LYPD6: variants seen among roughly 807,000 people sequenced by gnomAD.
The protein encoded by LYPD6 is LY6/PLAUR domain containing 6, also known as ly6/PLAUR domain-containing protein 6.
LYPD6 carries 15 observed loss-of-function variants against 22.7 expected under a neutral mutation model. That is an observed-to-expected ratio of 0.66 (90% CI 0.44 to 1.02). The LOEUF is 1.02. Among genes scored for constraint, LYPD6 ranks in the 50% least tolerant of loss-of-function variants. The probability of loss-of-function intolerance (pLI) is 0.00; values close to 1 mark genes in which losing one functional copy is unlikely to be tolerated. For synonymous variants in LYPD6, 72 were observed against 77.5 expected, an observed-to-expected ratio of 0.93 and a Z score of 0.37; for missense variants, 189 against 208.4, an observed-to-expected ratio of 0.91 and a Z score of 0.57.
At chr2:149,418,151 A>G (rs1683004107) in intron 1 of LYPD6, among the ~76,000 whole-genome samples, 2 of 152,344 alleles carry the variant, frequency 1.3e-5, no homozygotes, top group South Asian at 4.1e-4. Context: ...TCACAGCAGG[A>G]AGGCATCAAG....
chr2:149,414,521 G>A (rs754424025), intron 1 of LYPD6, among the ~76,000 whole-genome samples: 8 of 151,962 alleles, frequency 5.3e-5, no homozygotes, highest in Non-Finnish European at 1.2e-4. Context: ...TATTAAAATC[G>A]CCTCAAATAA....
chr2:149,419,408 AT>A (rs2105130810), intron 1 of LYPD6, among the ~76,000 whole-genome samples: 1 of 152,352 alleles, frequency 6.6e-6, no homozygotes, highest in East Asian at 1.9e-4. Context: ...TTCATTTATC[AT>A]TAATTAAGAA....
At chr2:149,474,409 T>C (rs924940394), downstream of LYPD6, among the ~76,000 whole-genome samples, 1 of 152,140 alleles carries the variant, frequency 6.6e-6, no homozygotes, top group African/African-American at 2.4e-5. Flanking sequence ...GATCCAACTA[T>C]GTTGCCCAGC....
the LYPD6 span, among the ~76,000 whole-genome samples, chr2:149,481,083 C>T: frequency 1.3e-5 from 2 of 152,302 alleles, no homozygotes; most frequent in East Asian, 1.9e-4. Flanking sequence ...TCAGAGCCTC[C>T]TTCTCAAGAG....
chr2:149,370,519 G>A (rs1681784335), intron 1 of LYPD6: 1 of 152,162 alleles, frequency 6.6e-6, no homozygotes, highest in Non-Finnish European at 1.5e-5. Flanking sequence ...TACCTTGTGA[G>A]GGTGAGCAAC....
Position 149,452,151 on chromosome 2 carries a change from A to G in LYPD6, c.217+3004A>G, listed in dbSNP as rs73964433. Reference sequence around the variant, plus strand: ...AAGACTCCCCAGGTGTGCTCAGTGGATGGGGAGAGAGCTGACCTGGGAGTA... The same window carrying G: ...AAGACTCCCCAGGTGTGCTCAGTGGGTGGGGAGAGAGCTGACCTGGGAGTA... On this transcript the variant is annotated intron_variant, in intron 3 of 4. Transcript: ENST00000334166. 5.8e-3 allele frequency among the ~76,000 whole-genome samples: 883 copies of G among 152,312 alleles called. 7 individuals are homozygous for G. Among genetic ancestry groups the G allele is most frequent in the African/African-American group, 0.02 (829 of 41,568 alleles).
intron 1 of LYPD6, among the ~76,000 whole-genome samples, chr2:149,366,521 A>G (rs2105073020): frequency 1.3e-5 from 2 of 152,294 alleles, no homozygotes; most frequent in South Asian, 4.1e-4. Flanking sequence ...AGAATGCCAG[A>G]TATTATAAAC....
At position 149,473,855 on chromosome 2, in the gene LYPD6, G is replaced by C. The variant is rs1056401684; in HGVS notation, c.*3005G>C. ...AAAATAAAAGAAGGAAAGGCTACCA[G>C]ACTTTTCAATAAGGTCTACAGCTTC... On this transcript the variant is annotated 3_prime_UTR_variant, in exon 5 of 5. Transcript: ENST00000334166. 4.6e-5 allele frequency: 7 copies of C among 152,194 alleles called. No individual in the cohort carries two copies. Among genetic ancestry groups the C allele is most frequent in the South Asian group, 2.1e-4 (1 of 4,826 alleles). The allele number at this position is 152,194 out of a possible 1,614,324, so 9.4% of individuals were successfully genotyped here.
chr2:149,457,877 G>A (rs1271714541), intron 3 of LYPD6, among the ~76,000 whole-genome samples: 1 of 152,198 alleles, frequency 6.6e-6, no homozygotes, highest in Non-Finnish European at 1.5e-5. Flanking sequence ...ACAACACAGT[G>A]CTGAGTTCAC....
intron 1 of LYPD6, among the ~76,000 whole-genome samples, chr2:149,334,618 G>T (rs981788413): frequency 6.6e-6 from 1 of 152,130 alleles, no homozygotes; most frequent in African/African-American, 2.4e-5. Context: ...TATTGCTGGG[G>T]GATTGACTGG....
At chr2:149,398,224 G>A (rs1160889204) in intron 1 of LYPD6, among the ~76,000 whole-genome samples, 3 of 151,956 alleles carry the variant, frequency 2.0e-5, no homozygotes, top group Admixed American at 6.6e-5. Context: ...AAAAAAGCAG[G>A]GATTTTTTTC....
Position 149,472,108 on chromosome 2 carries a change from A to G in LYPD6, c.*1258A>G, listed in dbSNP as rs987353162. On this transcript the variant is annotated 3_prime_UTR_variant, in exon 5 of 5. Transcript: ENST00000334166. ...CTTCCTTGTAAATAATTTAAACAGT[A>G]TTTATTTTTGTAAGGCATAACTAGA... The G allele has an allele frequency of 3.3e-5, 5 of 152,220 alleles. No homozygotes were observed. Among genetic ancestry groups the G allele is most frequent in the Non-Finnish European group, 5.9e-5 (4 of 68,024 alleles). The allele number at this position is 152,220 out of a possible 1,614,324, so 9.4% of individuals were successfully genotyped here.
intron 1 of LYPD6, among the ~76,000 whole-genome samples, chr2:149,423,817 G>A (rs771799677): frequency 5.9e-5 from 9 of 152,034 alleles, no homozygotes; most frequent in Non-Finnish European, 1.2e-4. Context: ...GGAAAATGCT[G>A]ACTTAAGCAA....
chr2:149,356,476 T>C (rs1009825183), intron 1 of LYPD6, among the ~76,000 whole-genome samples: 1 of 152,210 alleles, frequency 6.6e-6, no homozygotes, highest in African/African-American at 2.4e-5. Context: ...CAAGTATGGC[T>C]ACTGGCCTCT....
intron 1 of LYPD6, among the ~76,000 whole-genome samples, chr2:149,336,265 C>T (rs189195621): frequency 1.6e-4 from 24 of 152,060 alleles, no homozygotes; most frequent in South Asian, 4.2e-4. Context: ...GCAGTTCTTA[C>T]GGTAAGTAAA....
upstream of LYPD6, chr2:149,330,367 T>C (rs1009763591): frequency 1.3e-5 from 2 of 150,840 alleles, no homozygotes; most frequent in Non-Finnish European, 3.0e-5. Context: ...GGCCGGAGTT[T>C]GCAGACTTGG....
intron 1 of LYPD6, among the ~76,000 whole-genome samples, chr2:149,382,667 G>A (rs1573757878): frequency 6.6e-6 from 1 of 151,932 alleles, no homozygotes; most frequent in Non-Finnish European, 1.5e-5. Context: ...TCTTACATAA[G>A]ATTTAGTTAG....
chr2:149,483,894 C>T, the LYPD6 span, among the ~76,000 whole-genome samples: 1 of 152,136 alleles, frequency 6.6e-6, no homozygotes, highest in African/African-American at 2.4e-5. Flanking sequence ...TGGTGTATAT[C>T]ATAGTGACAA....
intron 1 of LYPD6, among the ~76,000 whole-genome samples, chr2:149,343,794 CT>C (rs1268860609): frequency 2.0e-5 from 3 of 152,066 alleles, no homozygotes; most frequent in Non-Finnish European, 4.4e-5. Context: ...AGCCAGGTAA[CT>C]TCTTTGAACT....
Sources: gnomAD v4.1 joint callset for allele counts (sites outside exome capture counted in the v4.1 genomes callset) on GRCh38, gnomAD v4.1.1 for gene constraint, MANE v1.5 for transcripts, NCBI Gene and HGNC (gene_info 2026-07-23, HGNC 2026-07-21) for gene names.